RBFOX3: variants seen among roughly 807,000 people sequenced by gnomAD.
RBFOX3 encodes RNA binding protein fox-1 homolog 3.
In RBFOX3, 17 loss-of-function variants were observed where a neutral mutation model predicts 48.7. The observed-to-expected ratio is 0.35, with a 90% CI of 0.24 to 0.52. RBFOX3 has a LOEUF of 0.52. Ranked by LOEUF, RBFOX3 falls within the 20% of genes least tolerant of loss-of-function variation. The pLI is 0.94. For missense variants in RBFOX3, 382 were observed against 497.5 expected (o/e 0.77, Z 2.21); for synonymous variants, 212 against 209.5 (o/e 1.01, Z -0.10).
intron 1 of RBFOX3, among the ~76,000 whole-genome samples, chr17:79,592,038 T>C (rs1239254167): frequency 6.9e-5 from 10 of 144,602 alleles, no homozygotes; most frequent in African/African-American, 2.8e-4. Flanking sequence ...CACATGCATG[T>C]ATGTGTATGT....
chr17:79,596,262 C>T (rs2093566909), intron 1 of RBFOX3, among the ~76,000 whole-genome samples: 1 of 152,208 alleles, frequency 6.6e-6, no homozygotes, highest in African/African-American at 2.4e-5. Flanking sequence ...GATGCAGAGC[C>T]CAACTGAACC....
chr17:79,347,061 A>T (rs1281742575), intron 2 of RBFOX3, among the ~76,000 whole-genome samples: 1 of 152,180 alleles, frequency 6.6e-6, no homozygotes, highest in Non-Finnish European at 1.5e-5. Context: ...TCTTTGTTGC[A>T]CTGCATAGGA....
At chr17:79,155,290 C>T (rs867551059) in intron 4 of RBFOX3, among the ~76,000 whole-genome samples, 1 of 152,200 alleles carries the variant, frequency 6.6e-6, no homozygotes. Flanking sequence ...TGACAGTACC[C>T]CCAGCAATCA....
chr17:79,617,261 G>T, the RBFOX3 span, among the ~76,000 whole-genome samples: 1 of 151,962 alleles, frequency 6.6e-6, no homozygotes, highest in Non-Finnish European at 1.5e-5. Context: ...TGTCTTTCCT[G>T]CTCTGGGGAT....
intron 1 of RBFOX3, among the ~76,000 whole-genome samples, chr17:79,590,368 G>A (rs2093382095): frequency 6.6e-6 from 1 of 152,210 alleles, no homozygotes; most frequent in Admixed American, 6.5e-5. Context: ...AAGATGGATT[G>A]CACATAATTG....
chr17:79,168,242 C>A lies in RBFOX3; in HGVS notation c.-33-52494G>T, dbSNP rs373544912. The stretch of plus-strand genomic sequence containing the variant: ...GTGCGGCTTGCCATGGGTGGGTCCC[C>A]CACTGGGCAGGGAACCTGCGACCAG... On this transcript the variant is annotated intron_variant, in intron 4 of 14. Transcript: ENST00000693108. Among the ~76,000 whole-genome samples the A allele has an allele frequency of 5.2e-4, 79 of 152,324 alleles. 2 individuals carry two copies. The East Asian group carries it at 0.012, about 23-fold the overall frequency.
In RBFOX3 at chr17:79,545,936, CTG is replaced by C. The variant is rs150310406; in HGVS notation, c.-319-63340_-319-63339del. Among the ~76,000 whole-genome samples, 948 of 152,296 alleles carry C rather than the reference CTG, an allele frequency of 6.2e-3. 11 individuals are homozygous for C. Among genetic ancestry groups the C allele is most frequent in the African/African-American group, 0.021 (882 of 41,568 alleles). On this transcript the variant is annotated intron_variant, in intron 1 of 14. Transcript: ENST00000693108. Reference sequence around the variant, plus strand: ...ATTCCTATATAGCTAATTGGAAAGACTGTGTGTGTGTGCACGTGTGTGCGTGT... The same window carrying C: ...ATTCCTATATAGCTAATTGGAAAGACTGTGTGTGTGCACGTGTGTGCGTGT...
At chr17:79,325,147 G>A (rs546168758) in intron 2 of RBFOX3, among the ~76,000 whole-genome samples, 1 of 152,348 alleles carries the variant, frequency 6.6e-6, no homozygotes, top group East Asian at 1.9e-4. Context: ...TATGTGCTGG[G>A]CCCTGCATCA....
At chr17:79,626,369 G>A in the RBFOX3 span, among the ~76,000 whole-genome samples, 1 of 152,164 alleles carries the variant, frequency 6.6e-6, no homozygotes, top group Non-Finnish European at 1.5e-5. Flanking sequence ...TCCCAGCTAG[G>A]GCAGGATGCT....
intron 2 of RBFOX3, among the ~76,000 whole-genome samples, chr17:79,323,302 A>G (rs2078821691): frequency 2.0e-5 from 3 of 152,180 alleles, no homozygotes; most frequent in Admixed American, 2.0e-4. Context: ...CTGGGTCTGG[A>G]GAGTTTATTT....
At chr17:79,130,396 G>T (rs912497096) in intron 4 of RBFOX3, among the ~76,000 whole-genome samples, 4 of 152,166 alleles carry the variant, frequency 2.6e-5, no homozygotes, top group African/African-American at 9.7e-5. Context: ...CAGTCACTTC[G>T]CAAGCCAACA....
chr17:79,421,578 G>C lies in RBFOX3; in HGVS notation c.-175+60876C>G, dbSNP rs1346475375. Among the ~76,000 whole-genome samples, 1 of 152,160 alleles carries C rather than the reference G, an allele frequency of 6.6e-6. No individual in the cohort carries two copies. Among genetic ancestry groups the C allele is most frequent in the Non-Finnish European group, 1.5e-5 (1 of 68,018 alleles). The stretch of plus-strand genomic sequence containing the variant: ...CAAATGACCCATGCTGGCATTGGGT[G>C]ACAGGAGGGGGCCCCAGAAGTTGAG... On this transcript the variant is annotated intron_variant, in intron 2 of 14. Coordinates refer to ENST00000693108, the MANE Select transcript of RBFOX3 (RefSeq NM_001350451.2). The surrounding 1 kb of genome is among the most constrained non-coding windows in gnomAD (Gnocchi z 4.5).
chr17:79,553,753 C>T (rs2091364878), intron 1 of RBFOX3, among the ~76,000 whole-genome samples: 1 of 151,066 alleles, frequency 6.6e-6, no homozygotes, highest in Non-Finnish European at 1.5e-5. Context: ...GACAGAGTCT[C>T]TCTCTCTCTC....
intron 12 of RBFOX3, 77 bp from the exon 13 acceptor site, chr17:79,095,651 G>C (rs1394807852): frequency 3.8e-6 from 5 of 1,317,158 alleles, no homozygotes; most frequent in Non-Finnish European, 5.3e-6. Flanking sequence ...GGGGAGAGGA[G>C]ACAGACCCTG....
intron 2 of RBFOX3, among the ~76,000 whole-genome samples, chr17:79,463,193 ACCG>A (rs1489023547): frequency 5.6e-5 from 8 of 143,330 alleles, no homozygotes; most frequent in African/African-American, 2.1e-4. Flanking sequence ...CGCCACTGCC[ACCG>A]CCATCGCCAC....
chr17:79,176,829 T>A (rs559951760), intron 4 of RBFOX3, among the ~76,000 whole-genome samples: 1 of 151,620 alleles, frequency 6.6e-6, no homozygotes, highest in African/African-American at 2.4e-5. Context: ...AGGGAGAAGA[T>A]TAAAAGCATG....
At chr17:79,560,598 T>C (rs960180826) in intron 1 of RBFOX3, among the ~76,000 whole-genome samples, 18 of 151,438 alleles carry the variant, frequency 1.2e-4, no homozygotes, top group African/African-American at 4.4e-4. Context: ...GATCATGGGG[T>C]TCAGTGACTT....
intron 3 of RBFOX3, among the ~76,000 whole-genome samples, chr17:79,274,879 A>C (rs918501778): frequency 6.6e-6 from 1 of 151,296 alleles, no homozygotes; most frequent in Admixed American, 6.6e-5. Context: ...AACCAACCCC[A>C]AATCCCCTTC....
intron 2 of RBFOX3, among the ~76,000 whole-genome samples, chr17:79,317,272 C>T (rs189239536): frequency 6.6e-6 from 1 of 152,230 alleles, no homozygotes; most frequent in Non-Finnish European, 1.5e-5. Context: ...CAAACCAGAC[C>T]CAATACATCA....
Sources: gnomAD v4.1 joint callset for allele counts (sites outside exome capture counted in the v4.1 genomes callset) on GRCh38, gnomAD v4.1.1 for gene constraint, Gnocchi (gnomAD v3.1) non-coding constraint, MANE v1.5 for transcripts, NCBI Gene and HGNC (gene_info 2026-07-23, HGNC 2026-07-21) for gene names.